The following PRDM9 variants were observed in gnomAD, a reference collection of about 807,000 sequenced individuals.
PRDM9 encodes the protein PR/SET domain 9, also known as histone-lysine N-methyltransferase PRDM9.
A neutral mutation model predicts 55.6 loss-of-function variants in PRDM9; 47 were observed. The ratio of observed to expected loss-of-function variants is 0.85; its 90% confidence interval spans 0.67 to 1.08. PRDM9 has a LOEUF of 1.08. Among genes scored for constraint, PRDM9 ranks in the 50% least tolerant of loss-of-function variants. The pLI is 0.00. For synonymous variants in PRDM9, 312 were observed against 375.7 expected, an observed-to-expected ratio of 0.83 and a Z score of 1.96; for missense variants, 867 against 1,040.3, an observed-to-expected ratio of 0.83 and a Z score of 2.29.
chr5:23,523,599 C>A (rs1421547830), intron 9 of PRDM9, among the ~76,000 whole-genome samples: 3 of 152,126 alleles, frequency 2.0e-5, no homozygotes, highest in African/African-American at 7.2e-5. Context: ...CCAAGATAAA[C>A]CTTGAGAAGC....
chr5:23,525,509 T>A (rs1739413319), intron 10 of PRDM9, among the ~76,000 whole-genome samples: 1 of 152,238 alleles, frequency 6.6e-6, no homozygotes, highest in Non-Finnish European at 1.5e-5. Context: ...TTGTGGAATC[T>A]GAAATGGAAT....
rs78218524 is a variant in PRDM9 at position 23,517,937 on chromosome 5, A to G, written c.351+7A>G. 6.3e-7 allele frequency: 1 copy of G among 1,586,022 alleles called. No homozygotes were observed. The highest frequency in any genetic ancestry group is 8.7e-7 in the Non-Finnish European group (1 of 1,154,420). On this transcript the variant is annotated splice_region_variant and intron_variant, in intron 5 of 10. Transcript: ENST00000296682. ...ACAGCGTAAACACCAGAAGGTAAGT[A>G]TTTCCCAAATCCTATTGACAAGAAA...
rs2973617 is a variant in PRDM9, at chr5:23,513,307, T to G, written c.301+3280T>G. Among the ~76,000 whole-genome samples, 4 of 152,096 alleles carry G rather than the reference T, an allele frequency of 2.6e-5. No homozygotes were observed. The East Asian group carries it at 7.7e-4, about 29-fold the overall frequency. The stretch of plus-strand genomic sequence containing the variant: ...AACTTAATTGCCATTGTAACAGTAT[T>G]AAGAGGTGGAGCCTTTAAGAGGTGA... On this transcript the variant is annotated intron_variant, in intron 4 of 10. Coordinates refer to ENST00000296682, the MANE Select transcript of PRDM9 (RefSeq NM_020227.4).
At chr5:23,524,650 G>A (rs1739397995) in intron 10 of PRDM9, 123 bp downstream of exon 10, 2 of 1,395,966 alleles carry the variant, frequency 1.4e-6, no homozygotes. Flanking sequence ...TCAAATCAGT[G>A]GCTTCCAAAA....
Position 23,523,239 on chromosome 5 carries a change from C to T in PRDM9, c.883-52C>T, listed in dbSNP as rs1874165. 0.91 allele frequency: 1,427,061 copies of T among 1,565,218 alleles called. 655,425 individuals are homozygous for T. The highest frequency in any genetic ancestry group is 0.94 in the Non-Finnish European group (1,063,350 of 1,135,858). ...TTGACGACAGTGGAGTAAAATAATT[C>T]TTCTGATTTTTACCCTCTAAAAAGC... is the stretch of plus-strand genomic sequence containing the variant. On this transcript the variant is annotated intron_variant, in intron 8 of 10. Coordinates refer to ENST00000296682, the MANE Select transcript of PRDM9 (RefSeq NM_020227.4).
At chr5:23,512,319 G>A (rs933151439) in intron 4 of PRDM9, among the ~76,000 whole-genome samples, 5 of 152,074 alleles carry the variant, frequency 3.3e-5, no homozygotes, top group East Asian at 1.9e-4. Context: ...TAAAATAGAA[G>A]TGTGAAGCTC....
At chr5:23,514,934 T>C (rs1739175502) in intron 4 of PRDM9, among the ~76,000 whole-genome samples, 1 of 151,962 alleles carries the variant, frequency 6.6e-6, no homozygotes, top group Non-Finnish European at 1.5e-5. Flanking sequence ...TGTTGTATTA[T>C]AGGAGTTCTT....
In PRDM9 at chr5:23,526,238, A is replaced by C. The variant is rs761047831; in HGVS notation, c.1150A>C (p.Lys384Gln). ...CCAAAAACTTCCTCTTTCAGAACCAAAGCCAGAGATCCATCCATGTCCCTC... is the reference window on the plus strand; with the variant it reads ...CCAAAAACTTCCTCTTTCAGAACCACAGCCAGAGATCCATCCATGTCCCTC... The part of the protein sequence containing the change: ...KKELMAGREP[K>Q]PEIHPCPSCC... The change falls in exon 11 of 11, where the codon AAG becomes CAG. Residue 384 changes from lysine (K) to glutamine (Q), a missense_variant. This residue lies in a region of PRDM9 where 662 missense variants were observed against 711.9 expected (regional missense o/e 0.93). Transcript: ENST00000296682. The C allele has an allele frequency of 6.2e-7, 1 of 1,614,186 alleles. No homozygotes were observed. Among genetic ancestry groups the C allele is most frequent in the Non-Finnish European group, 8.5e-7 (1 of 1,180,028 alleles).
chr5:23,518,769 A>G (rs1235058187), intron 5 of PRDM9, among the ~76,000 whole-genome samples: 8 of 152,220 alleles, frequency 5.3e-5, no homozygotes, highest in African/African-American at 9.6e-5. Context: ...CTGGGCTCCA[A>G]TTAGGGAACT....
At chr5:23,507,300 C>G (rs1020966335), upstream of PRDM9, 8 of 152,404 alleles carry the variant, frequency 5.2e-5, no homozygotes, top group Admixed American at 6.5e-5. Flanking sequence ...CCGACTCAGT[C>G]GCAAACACCG....
intron 10 of PRDM9, among the ~76,000 whole-genome samples, chr5:23,525,938 G>A (rs1019608891): frequency 6.6e-6 from 1 of 152,182 alleles, no homozygotes; most frequent in Non-Finnish European, 1.5e-5. Flanking sequence ...TGGGGAAAAG[G>A]TCACTGCAGT....
chr5:23,516,706 A>G (rs1420287191), intron 4 of PRDM9, among the ~76,000 whole-genome samples: 2 of 145,884 alleles, frequency 1.4e-5, no homozygotes, highest in African/African-American at 5.0e-5. Flanking sequence ...ATTTTTTGGT[A>G]AAAATCTTTA....
intron 1 of PRDM9, 74 bp from the exon 2 acceptor site, chr5:23,508,876 A>C: frequency 1.2e-6 from 1 of 817,740 alleles, no homozygotes; most frequent in Non-Finnish European, 2.0e-6. Context: ...ACCCAGCCAG[A>C]TGGAGAAGAC....
intron 6 of PRDM9, 99 bp from the exon 7 acceptor site, chr5:23,522,205 G>A (rs1433375778): frequency 2.9e-6 from 3 of 1,047,388 alleles, no homozygotes; most frequent in South Asian, 2.5e-5. Flanking sequence ...TATGTAGAAA[G>A]GTAGATGCCA....
At position 23,526,934 on chromosome 5, in the gene PRDM9, G is replaced by A; in HGVS notation, c.1846G>A (p.Gly616Ser). Residue 616 changes from glycine (G) to serine (S), a missense_variant, in exon 11 of 11, where the codon GGC becomes AGC. Physicochemically the swap from Gly to Ser is moderately conservative, Grantham distance 56. This residue lies in a region of PRDM9 where 27 missense variants were observed against 50.0 expected (regional missense o/e 0.54). Transcript: ENST00000296682. ...CTATGTCTGCAGGGAGTGTGGGCGGGGCTTTAGCCGGCAGTCAGTCCTCCT... is the reference window on the plus strand; with the variant it reads ...CTATGTCTGCAGGGAGTGTGGGCGGAGCTTTAGCCGGCAGTCAGTCCTCCT... ...KPYVCRECGR[G>S]FSRQSVLLTH... The A allele has an allele frequency of 6.3e-7, 1 of 1,596,448 alleles. No homozygotes were observed. Among genetic ancestry groups the A allele is most frequent in the Non-Finnish European group, 8.5e-7 (1 of 1,174,892 alleles).
intron 4 of PRDM9, among the ~76,000 whole-genome samples, chr5:23,514,967 T>TA (rs1561018064): frequency 1.2e-5 from 1 of 86,246 alleles, no homozygotes; most frequent in East Asian, 5.2e-4. Flanking sequence ...ATATTAACTC[T>TA]TTTTTTTTTT....
intron 4 of PRDM9, among the ~76,000 whole-genome samples, chr5:23,511,626 A>G (rs1739100975): frequency 6.6e-6 from 1 of 152,200 alleles, no homozygotes; most frequent in South Asian, 2.1e-4. Flanking sequence ...AATTACAGAC[A>G]TGAGCCACCA....
chr5:23,519,517 C>T (rs1459729715), intron 5 of PRDM9, among the ~76,000 whole-genome samples: 7 of 151,714 alleles, frequency 4.6e-5, no homozygotes, highest in Middle Eastern at 3.2e-3. Flanking sequence ...TACAGGCACC[C>T]GCCACCACAC....
Position 23,521,190 on chromosome 5 carries a change from A to T in PRDM9, c.508+11A>T, listed in dbSNP as rs1392879164. ...CAAGACTAAAACTGGGTAAGAAAAA[A>T]TATTTGCGGGGACTTTAGTCCCTCT... On this transcript the variant is annotated intron_variant, in intron 6 of 10. Coordinates refer to ENST00000296682, the MANE Select transcript of PRDM9 (RefSeq NM_020227.4). 6.2e-7 allele frequency: 1 copy of T among 1,612,410 alleles called. No homozygotes were observed. Among genetic ancestry groups the T allele is most frequent in the South Asian group, 1.1e-5 (1 of 91,006 alleles).
Sources: gnomAD v4.1 joint callset for allele counts (sites outside exome capture counted in the v4.1 genomes callset) on GRCh38, gnomAD v4.1.1 for gene constraint, gnomAD v4.1.1 regional missense constraint, MANE v1.5 for transcripts, NCBI Gene and HGNC (gene_info 2026-07-23, HGNC 2026-07-21) for gene names.